GALNT13: variants seen among roughly 807,000 people sequenced by gnomAD.
GALNT13 encodes UDP-GalNAc:polypeptide N-acetylgalactosaminyltransferase 13.
A neutral mutation model predicts 64.2 loss-of-function variants in GALNT13; 28 were observed. That is an observed-to-expected ratio of 0.44 (90% CI 0.32 to 0.60). The LOEUF is 0.60. GALNT13 is among the 20% of genes least tolerant of loss of function. The probability of loss-of-function intolerance (pLI) is 0.05; values close to 1 mark genes in which losing one functional copy is unlikely to be tolerated. For missense variants in GALNT13, 577 were observed against 669.8 expected (o/e 0.86, Z 1.53); for synonymous variants, 214 against 224.6 (o/e 0.95, Z 0.42).
the GALNT13 span, among the ~76,000 whole-genome samples, chr2:153,434,339 A>G: frequency 1.3e-5 from 2 of 152,220 alleles, no homozygotes; most frequent in African/African-American, 4.8e-5. Flanking sequence ...CTTTGGGTAT[A>G]TACCCAGTAA....
the GALNT13 span, among the ~76,000 whole-genome samples, chr2:153,392,418 A>T: frequency 1.3e-5 from 2 of 152,040 alleles, no homozygotes; most frequent in Non-Finnish European, 2.9e-5. Flanking sequence ...ACAGTTCAAG[A>T]AGGTGTTTGT....
At chr2:153,289,314 T>A in the GALNT13 span, among the ~76,000 whole-genome samples, 2 of 152,206 alleles carry the variant, frequency 1.3e-5, no homozygotes, top group East Asian at 3.9e-4. Flanking sequence ...CTATCACTAA[T>A]GATAGAAAAA....
At chr2:154,301,034 G>T (rs1339051014) in intron 8 of GALNT13, among the ~76,000 whole-genome samples, 2 of 152,148 alleles carry the variant, frequency 1.3e-5, no homozygotes, top group African/African-American at 4.8e-5. Context: ...GAGAGTAACT[G>T]ATTTTTCTCC....
chr2:153,654,687 T>C, the GALNT13 span, among the ~76,000 whole-genome samples: 1 of 152,266 alleles, frequency 6.6e-6, no homozygotes, highest in South Asian at 2.1e-4. Flanking sequence ...AACATAATTA[T>C]TTATATAGTA....
the GALNT13 span, among the ~76,000 whole-genome samples, chr2:153,780,242 T>TATGC: frequency 3.8e-5 from 3 of 78,502 alleles, no homozygotes; most frequent in African/African-American, 4.7e-5. Context: ...TATATATATA[T>TATGC]ATATATATAT....
chr2:154,424,806 T>A (rs1700402269), intron 11 of GALNT13, among the ~76,000 whole-genome samples: 1 of 152,218 alleles, frequency 6.6e-6, no homozygotes, highest in African/African-American at 2.4e-5. Flanking sequence ...TTTTCTGAGA[T>A]CATATTCCTA....
chr2:153,256,083 C>T, the GALNT13 span, among the ~76,000 whole-genome samples: 8 of 152,124 alleles, frequency 5.3e-5, no homozygotes, highest in Non-Finnish European at 1.0e-4. Context: ...GTTCCATTCT[C>T]CCCATCACTT....
At chr2:153,139,043 CTTT>C in the GALNT13 span, among the ~76,000 whole-genome samples, 1 of 152,002 alleles carries the variant, frequency 6.6e-6, no homozygotes, top group Non-Finnish European at 1.5e-5. Flanking sequence ...AGACTTTTTT[CTTT>C]AAGTCACAAA....
the GALNT13 span, among the ~76,000 whole-genome samples, chr2:153,804,770 TAAAAG>T: frequency 0.016 from 2,502 of 152,006 alleles, 72 homozygotes; most frequent in African/African-American, 0.057. Context: ...TTTATTATAA[TAAAAG>T]AAAATAAAGA....
chr2:153,308,643 A>G, the GALNT13 span, among the ~76,000 whole-genome samples: 1 of 152,218 alleles, frequency 6.6e-6, no homozygotes, highest in Non-Finnish European at 1.5e-5. Context: ...CTGAATGTAC[A>G]ACTGTATTCT....
At chr2:153,098,175 C>A in the GALNT13 span, among the ~76,000 whole-genome samples, 1 of 152,258 alleles carries the variant, frequency 6.6e-6, no homozygotes, top group Admixed American at 6.5e-5. Context: ...TGCTCACTAC[C>A]AGTCTTTGGA....
At chr2:154,070,325 T>A (rs969744250) in intron 3 of GALNT13, among the ~76,000 whole-genome samples, 4 of 152,166 alleles carry the variant, frequency 2.6e-5, no homozygotes, top group African/African-American at 9.7e-5. Flanking sequence ...AAAATTTCTA[T>A]AGTTCCACAT....
At chr2:153,547,773 GAT>G in the GALNT13 span, among the ~76,000 whole-genome samples, 8 of 152,192 alleles carry the variant, frequency 5.3e-5, no homozygotes, top group Non-Finnish European at 1.0e-4. Context: ...GGCAAGATAA[GAT>G]AGTGTTAAGG....
chr2:154,252,620 T>G (rs1172460997), intron 7 of GALNT13, among the ~76,000 whole-genome samples: 5 of 152,096 alleles, frequency 3.3e-5, no homozygotes, highest in African/African-American at 1.2e-4. Flanking sequence ...CCTCCCAAAG[T>G]GCTGGGATTA....
chr2:153,588,353 C>T, the GALNT13 span, among the ~76,000 whole-genome samples: 27 of 152,190 alleles, frequency 1.8e-4, no homozygotes, highest in African/African-American at 4.3e-4. Flanking sequence ...ATGAGGGCAC[C>T]GCCCCTGCAG....
At chr2:154,316,541 A>G (rs1694327283) in intron 9 of GALNT13, among the ~76,000 whole-genome samples, 1 of 152,166 alleles carries the variant, frequency 6.6e-6, no homozygotes, top group Non-Finnish European at 1.5e-5. Flanking sequence ...CTTTTGCTGT[A>G]ACACAATACC....
intron 4 of GALNT13, among the ~76,000 whole-genome samples, chr2:154,145,100 CTATATA>C (rs1553484442): frequency 8.4e-4 from 100 of 119,518 alleles, no homozygotes; most frequent in Middle Eastern, 8.9e-3. Context: ...ATCTATCTAT[CTATATA>C]TATATATATA....
At chr2:154,218,907 T>C (rs183575723) in intron 4 of GALNT13, among the ~76,000 whole-genome samples, 2 of 152,178 alleles carry the variant, frequency 1.3e-5, no homozygotes, top group East Asian at 3.9e-4. Flanking sequence ...TTGTATGACA[T>C]ATTGTCTTGC....
At chr2:154,365,091 G>A (rs1697295171) in intron 9 of GALNT13, among the ~76,000 whole-genome samples, 1 of 152,148 alleles carries the variant, frequency 6.6e-6, no homozygotes, top group African/African-American at 2.4e-5. Flanking sequence ...ATGAAAATTA[G>A]CATCCCACCT....
Sources: gnomAD v4.1 joint callset for allele counts (sites outside exome capture counted in the v4.1 genomes callset) on GRCh38, gnomAD v4.1.1 for gene constraint, MANE v1.5 for transcripts, NCBI Gene and HGNC (gene_info 2026-07-23, HGNC 2026-07-21) for gene names.